CCDC171: variants seen among roughly 807,000 people sequenced by gnomAD.
CCDC171 encodes coiled-coil domain-containing protein 171.
In CCDC171, 177 loss-of-function variants were observed where a neutral mutation model predicts 168.2. The ratio of observed to expected loss-of-function variants is 1.05; its 90% CI spans 0.93 to 1.19. The LOEUF (loss-of-function observed/expected upper bound fraction) is 1.19, where lower values mean the gene tolerates loss of function less well. CCDC171 is among the 50% of genes most tolerant of loss of function. The pLI, the probability that CCDC171 is intolerant of heterozygous loss-of-function variation, is 0.00. For missense variants in CCDC171, 1,991 were observed against 1,539.0 expected (o/e 1.29, Z -4.91); for synonymous variants, 687 against 540.8 (o/e 1.27, Z -3.75).
intron 6 of CCDC171, among the ~76,000 whole-genome samples, chr9:15,596,118 T>G (rs891402393): frequency 3.3e-5 from 5 of 152,218 alleles, no homozygotes; most frequent in Non-Finnish European, 5.9e-5. Flanking sequence ...GATGGTAGTT[T>G]CTTTTGCTGT....
intron 3 of CCDC171, among the ~76,000 whole-genome samples, chr9:15,997,533 C>A (rs182916263): frequency 6.6e-6 from 1 of 152,280 alleles, no homozygotes. Flanking sequence ...AATAGCCCTT[C>A]CAGGATTCTA....
chr9:15,841,685 C>T (rs1442149690), intron 21 of CCDC171, among the ~76,000 whole-genome samples: 1 of 151,860 alleles, frequency 6.6e-6, no homozygotes, highest in Non-Finnish European at 1.5e-5. Flanking sequence ...ATAAACTGTA[C>T]TATATACCAA....
In CCDC171 at chr9:15,652,169, C is replaced by G. The variant is rs2132820625; in HGVS notation, c.823-4958C>G. On this transcript the variant is annotated intron_variant, in intron 7 of 25. Coordinates refer to ENST00000380701, the MANE Select transcript of CCDC171 (RefSeq NM_173550.4). ...CTTCTAAGAGTTTTATGGTTTTTAGCTCATATATTTAGGTCATTGATCCAT... is the reference window on the plus strand; with the variant it reads ...CTTCTAAGAGTTTTATGGTTTTTAGGTCATATATTTAGGTCATTGATCCAT... 2.0e-5 allele frequency among the ~76,000 whole-genome samples: 3 copies of G among 152,154 alleles called. No individual in the cohort carries two copies. In the South Asian group the frequency reaches 6.2e-4, roughly 32 times the overall value.
chr9:15,910,642 AC>A (rs1293116475), intron 24 of CCDC171, among the ~76,000 whole-genome samples: 3 of 151,980 alleles, frequency 2.0e-5, no homozygotes, highest in Non-Finnish European at 4.4e-5. Flanking sequence ...GGTTTGCTAC[AC>A]CCATCAACTC....
chr9:15,670,759 A>G (rs990436817), intron 9 of CCDC171, among the ~76,000 whole-genome samples: 32 of 151,884 alleles, frequency 2.1e-4, no homozygotes, highest in African/African-American at 7.5e-4. Flanking sequence ...TTTGTTATTT[A>G]TTGTCTGTCT....
chr9:15,745,483 G>T, intron 17 of CCDC171, 32 bp from the exon 18 acceptor site: 1 of 1,342,266 alleles, frequency 7.5e-7, no homozygotes. Context: ...AAGTTTTGTA[G>T]AATTTTACAA....
chr9:15,591,196 C>T (rs567877284), intron 4 of CCDC171, among the ~76,000 whole-genome samples, 170 bp from the exon 5 acceptor site: 81 of 152,092 alleles, frequency 5.3e-4, no homozygotes, highest in African/African-American at 1.9e-3. Context: ...GTGAGCTTTT[C>T]AAGAATTTAC....
At chr9:15,781,466 G>A (rs183291998) in intron 20 of CCDC171, among the ~76,000 whole-genome samples, 18 of 152,160 alleles carry the variant, frequency 1.2e-4, no homozygotes, top group Non-Finnish European at 2.1e-4. Flanking sequence ...CACCCAGGCC[G>A]GAGTGCAGTG....
At chr9:15,604,088 T>C (rs1204900984) in intron 6 of CCDC171, among the ~76,000 whole-genome samples, 2 of 114,384 alleles carry the variant, frequency 1.7e-5, no homozygotes, top group Non-Finnish European at 3.6e-5. Context: ...TTGCCCACTT[T>C]TTGATGGTTT....
rs180804849 is a variant in CCDC171 at position 15,695,421 on chromosome 9, T to C, written c.1318+84T>C. 19 of 890,756 alleles carry C rather than the reference T, an allele frequency of 2.1e-5. No individual in the cohort carries two copies. The East Asian group carries it at 2.7e-4, about 12-fold the overall frequency. 55.2% of individuals were successfully genotyped at this position (890,756 alleles called of 1,614,324 possible). ...TTGGGAATTCTGCAGATGCCTCTTGTAGTCCCTCATCTCAACATGTTTTGA... is the reference window on the plus strand; with the variant it reads ...TTGGGAATTCTGCAGATGCCTCTTGCAGTCCCTCATCTCAACATGTTTTGA... On this transcript the variant is annotated intron_variant, in intron 11 of 25. Coordinates refer to ENST00000380701, the MANE Select transcript of CCDC171 (RefSeq NM_173550.4).
At chr9:15,728,850 TA>T (rs985596806) in intron 15 of CCDC171, among the ~76,000 whole-genome samples, 62 of 148,302 alleles carry the variant, frequency 4.2e-4, no homozygotes, top group East Asian at 1.2e-3. Context: ...TCCCGTAAGT[TA>T]AAAAAAAAAA....
chr9:15,695,738 G>C (rs894903302), intron 11 of CCDC171, among the ~76,000 whole-genome samples: 1 of 152,186 alleles, frequency 6.6e-6, no homozygotes, highest in East Asian at 1.9e-4. Flanking sequence ...GTAGGACACA[G>C]GCTGTAGCAT....
At chr9:16,051,632 A>T (rs1833751366) in intron 1 of CCDC171, among the ~76,000 whole-genome samples, 1 of 152,158 alleles carries the variant, frequency 6.6e-6, no homozygotes, top group African/African-American at 2.4e-5. Flanking sequence ...TTCACTTGCT[A>T]CCCAGCATGA....
chr9:15,654,238 G>A (rs1478711155), intron 7 of CCDC171, among the ~76,000 whole-genome samples: 1 of 151,182 alleles, frequency 6.6e-6, no homozygotes, highest in Admixed American at 6.6e-5. Context: ...TAGTATAATA[G>A]CTCATTAAGA....
At chr9:15,746,769 C>T (rs561716302) in intron 18 of CCDC171, among the ~76,000 whole-genome samples, 2 of 152,230 alleles carry the variant, frequency 1.3e-5, no homozygotes, top group South Asian at 2.1e-4. Flanking sequence ...GTGCAGCCCA[C>T]GGAGGGTGAG....
intron 24 of CCDC171, among the ~76,000 whole-genome samples, chr9:15,877,333 T>C (rs1450048731): frequency 6.6e-6 from 1 of 152,140 alleles, no homozygotes; most frequent in African/African-American, 2.4e-5. Context: ...GCAGCCGTTA[T>C]AAGGCCCTTG....
At chr9:16,001,590 G>A (rs1367296302) in intron 3 of CCDC171, among the ~76,000 whole-genome samples, 1 of 152,072 alleles carries the variant, frequency 6.6e-6, no homozygotes, top group Non-Finnish European at 1.5e-5. Flanking sequence ...AGTCAACCAT[G>A]AACCGCATAT....
chr9:16,048,916 G>A (rs1194013299), intron 1 of CCDC171, among the ~76,000 whole-genome samples: 1 of 145,354 alleles, frequency 6.9e-6, no homozygotes, highest in African/African-American at 2.5e-5. Flanking sequence ...AGACAGAAGT[G>A]ATGAGTTTGG....
At position 15,561,826 on chromosome 9, in the gene CCDC171, T is replaced by C. The variant is rs114943026; in HGVS notation, c.-111-2152T>C. 6.3e-3 allele frequency among the ~76,000 whole-genome samples: 956 copies of C among 151,486 alleles called. 7 individuals carry two copies. The highest frequency in any genetic ancestry group is 0.022 in the African/African-American group (930 of 41,346). On this transcript the variant is annotated intron_variant, in intron 1 of 25. Transcript: ENST00000380701. Reference sequence around the variant, plus strand: ...ATATCAGCGAGGAAGATGAAGAAAATTAAAAAAAAAAGAAAGACTTGATAA... The same window carrying C: ...ATATCAGCGAGGAAGATGAAGAAAACTAAAAAAAAAAGAAAGACTTGATAA...
Sources: gnomAD v4.1 joint callset for allele counts (sites outside exome capture counted in the v4.1 genomes callset) on GRCh38, gnomAD v4.1.1 for gene constraint, MANE v1.5 for transcripts, NCBI Gene and HGNC (gene_info 2026-07-23, HGNC 2026-07-21) for gene names.